The following KCTD16 variants were observed in gnomAD, a reference collection of about 807,000 sequenced individuals.
The protein encoded by KCTD16 is potassium channel tetramerization domain containing 16, also known as BTB/POZ domain-containing protein KCTD16.
KCTD16 carries 13 observed loss-of-function variants against 33.2 expected under a neutral mutation model. The ratio of observed to expected loss-of-function variants is 0.39; its 90% CI spans 0.25 to 0.62. The LOEUF (loss-of-function observed/expected upper bound fraction) is 0.62, where lower values mean the gene tolerates loss of function less well. Among genes scored for constraint, KCTD16 ranks in the 20% least tolerant of loss-of-function variants. The pLI, the probability that KCTD16 is intolerant of heterozygous loss-of-function variation, is 0.50. For missense variants in KCTD16, 441 were observed against 525.1 expected (o/e 0.84, Z 1.57); for synonymous variants, 197 against 195.3 (o/e 1.01, Z -0.07).
intron 3 of KCTD16, among the ~76,000 whole-genome samples, chr5:144,274,900 A>G (rs901202908): frequency 6.6e-6 from 1 of 152,202 alleles, no homozygotes; most frequent in Non-Finnish European, 1.5e-5. Context: ...GCAAAGTCCA[A>G]CAAAGCCACA....
intron 3 of KCTD16, among the ~76,000 whole-genome samples, chr5:144,394,523 A>G (rs911150900): frequency 6.6e-6 from 1 of 152,220 alleles, no homozygotes; most frequent in Non-Finnish European, 1.5e-5. Flanking sequence ...TTAAGTATTG[A>G]TATATGCCCA....
At chr5:144,247,390 C>T (rs1754579373) in intron 3 of KCTD16, among the ~76,000 whole-genome samples, 1 of 152,202 alleles carries the variant, frequency 6.6e-6, no homozygotes. Flanking sequence ...TCAACAGCTT[C>T]TGTTGAGATC....
chr5:144,392,079 G>A (rs1752461898), intron 3 of KCTD16, among the ~76,000 whole-genome samples: 1 of 152,204 alleles, frequency 6.6e-6, no homozygotes, highest in African/African-American at 2.4e-5. Context: ...TGTTTTAATA[G>A]TTATATTAAA....
intron 3 of KCTD16, among the ~76,000 whole-genome samples, chr5:144,241,998 C>T (rs1319837748): frequency 6.6e-6 from 1 of 152,114 alleles, no homozygotes; most frequent in African/African-American, 2.4e-5. Flanking sequence ...CACAAGTGTA[C>T]CCTACTTTAC....
intron 3 of KCTD16, among the ~76,000 whole-genome samples, chr5:144,467,802 A>T (rs1754380462): frequency 6.6e-6 from 1 of 152,124 alleles, no homozygotes; most frequent in African/African-American, 2.4e-5. Context: ...CATCCCTCGC[A>T]GGGAGTGTCC....
intron 3 of KCTD16, among the ~76,000 whole-genome samples, chr5:144,360,483 G>A (rs948584369): frequency 4.0e-5 from 6 of 151,448 alleles, no homozygotes; most frequent in African/African-American, 1.5e-4. Context: ...CCAGGCTGGA[G>A]TGCAGTGGGG....
At chr5:144,370,191 A>T (rs1042300681) in intron 3 of KCTD16, among the ~76,000 whole-genome samples, 1 of 152,116 alleles carries the variant, frequency 6.6e-6, no homozygotes, top group Non-Finnish European at 1.5e-5. Flanking sequence ...CCCCTGAGGA[A>T]TAAAATGAGT....
chr5:144,290,566 A>G (rs754830058), intron 3 of KCTD16, among the ~76,000 whole-genome samples: 2 of 152,202 alleles, frequency 1.3e-5, no homozygotes, highest in Non-Finnish European at 2.9e-5. Context: ...AGTTTCCATA[A>G]TGACTTAATT....
intron 3 of KCTD16, among the ~76,000 whole-genome samples, chr5:144,428,392 T>A (rs1023790243): frequency 6.6e-6 from 1 of 152,156 alleles, no homozygotes; most frequent in Non-Finnish European, 1.5e-5. Flanking sequence ...TAATTTGATT[T>A]AGACAGGGGA....
At chr5:144,241,506 G>T (rs17101747) in intron 3 of KCTD16, among the ~76,000 whole-genome samples, 1 of 152,074 alleles carries the variant, frequency 6.6e-6, no homozygotes, top group Non-Finnish European at 1.5e-5. Context: ...CACTGACTTC[G>T]ATGGATATTT....
rs761179695 is a variant in KCTD16 at position 144,206,710 on chromosome 5, G to C, written c.-5G>C. 10 of 1,606,482 alleles carry C rather than the reference G, an allele frequency of 6.2e-6. No individual in the cohort carries two copies. The highest frequency in any genetic ancestry group is 1.7e-5 in the Admixed American group (1 of 59,612). ...TCAAAATAGCAGCAGCAGAAGAAAG[G>C]GACAATGGCTCTGAGTGGAAACTGT... On this transcript the variant is annotated 5_prime_UTR_variant, in exon 3 of 4. Transcript: ENST00000512467.
Position 144,374,568 on chromosome 5 carries a change from G to C in KCTD16, c.833-99092G>C, listed in dbSNP as rs528041713. Among the ~76,000 whole-genome samples, 3 of 152,278 alleles carry C rather than the reference G, an allele frequency of 2.0e-5. No individual in the cohort carries two copies. The East Asian group carries it at 5.8e-4, about 29-fold the overall frequency. ...TTAGAAAGCTAACTTTTTTGATAGAGTGAGATCTCACTCAAACTTTTAGTT... is the reference window on the plus strand; with the variant it reads ...TTAGAAAGCTAACTTTTTTGATAGACTGAGATCTCACTCAAACTTTTAGTT... On this transcript the variant is annotated intron_variant, in intron 3 of 3. Transcript: ENST00000512467.
chr5:144,231,437 AT>A (rs891955545), intron 3 of KCTD16, among the ~76,000 whole-genome samples: 38 of 152,290 alleles, frequency 2.5e-4, no homozygotes, highest in African/African-American at 9.1e-4. Flanking sequence ...AGTAGAAAAA[AT>A]ATTATGTTAA....
chr5:144,179,842 C>T (rs552896568), intron 2 of KCTD16, among the ~76,000 whole-genome samples: 1 of 152,172 alleles, frequency 6.6e-6, no homozygotes, highest in Admixed American at 6.5e-5. Flanking sequence ...TTTATTCATT[C>T]GTTTAACAAA....
chr5:144,289,207 T>C (rs971262326), intron 3 of KCTD16, among the ~76,000 whole-genome samples: 1 of 152,232 alleles, frequency 6.6e-6, no homozygotes, highest in Non-Finnish European at 1.5e-5. Flanking sequence ...TTATCATTTA[T>C]GATTTGTTTC....
At chr5:144,330,028 A>G (rs909277687) in intron 3 of KCTD16, among the ~76,000 whole-genome samples, 1 of 152,206 alleles carries the variant, frequency 6.6e-6, no homozygotes. Flanking sequence ...TAGGCTGAGT[A>G]TCTAGAGTGC....
chr5:144,424,806 A>T (rs1753287662), intron 3 of KCTD16, among the ~76,000 whole-genome samples: 1 of 152,100 alleles, frequency 6.6e-6, no homozygotes, highest in East Asian at 1.9e-4. Context: ...TAATCCATTC[A>T]TGAGAGTGAG....
intron 3 of KCTD16, among the ~76,000 whole-genome samples, chr5:144,382,228 G>A (rs991714083): frequency 1.6e-4 from 25 of 152,192 alleles, no homozygotes; most frequent in African/African-American, 6.0e-4. Flanking sequence ...CGGAATAATA[G>A]ACATAGGTTC....
intron 3 of KCTD16, among the ~76,000 whole-genome samples, chr5:144,304,977 C>CTTTTTTTTTTTTTTTTTTTTTTTTTTT (rs146638360): frequency 2.4e-5 from 2 of 83,418 alleles, no homozygotes; most frequent in Non-Finnish European, 4.3e-5. Context: ...ATATCAAAAT[C>CTTTTTTTTTTTTTTTTTTTTTTTTTTT]TTTTTTTTTT....
Sources: allele counts gnomAD v4.1 joint callset (sites outside exome capture counted in the v4.1 genomes callset), GRCh38; gene constraint gnomAD v4.1.1; transcripts MANE v1.5; gene names NCBI Gene and HGNC (gene_info 2026-07-23, HGNC 2026-07-21).